The following ZDHHC13 variants were observed in gnomAD, a reference collection of about 807,000 sequenced individuals.
The protein encoded by ZDHHC13 is zDHHC palmitoyltransferase 13.
Under a neutral mutation model 86.0 loss-of-function variants are expected in ZDHHC13, and 85 were observed. The observed-to-expected ratio is 0.99, with a 90% confidence interval of 0.83 to 1.18. The LOEUF (loss-of-function observed/expected upper bound fraction) is 1.18. Among genes scored for constraint, ZDHHC13 ranks in the 50% most tolerant of loss-of-function variants. The pLI is 0.00. For missense variants in ZDHHC13, 711 were observed against 730.2 expected (o/e 0.97, Z 0.30); for synonymous variants, 263 against 246.4 (o/e 1.07, Z -0.63).
chr11:19,155,648 T>A, intron 8 of ZDHHC13, 148 bp from the exon 9 acceptor site: 4 of 567,756 alleles, frequency 7.0e-6, no homozygotes, highest in Non-Finnish European at 8.2e-6. Context: ...AATTTATCAA[T>A]CAGCAATTTT....
At position 19,122,609 on chromosome 11, in the gene ZDHHC13, G is replaced by A. The variant is rs147599882; in HGVS notation, c.27+5333G>A. Among the ~76,000 whole-genome samples, 285 of 152,238 alleles carry A rather than the reference G, an allele frequency of 1.9e-3. 1 individual carries two copies. The Middle Eastern group carries it at 0.02, about 11-fold the overall frequency. On this transcript the variant is annotated intron_variant, in intron 1 of 16. Transcript: ENST00000446113. ...GCTTTCTCTGCCCTTAGGTTACCTT[G>A]TAAACAGAGTATAAGGAGTGACCTG...
chr11:19,155,763 C>T, intron 8 of ZDHHC13, 33 bp from the exon 9 acceptor site: 3 of 1,600,654 alleles, frequency 1.9e-6, no homozygotes, highest in Non-Finnish European at 2.5e-6. Context: ...AGGTAAAATC[C>T]ATAAAGTTCT....
intron 5 of ZDHHC13, among the ~76,000 whole-genome samples, chr11:19,149,594 A>G (rs1849557601): frequency 6.6e-6 from 1 of 152,186 alleles, no homozygotes; most frequent in African/African-American, 2.4e-5. Flanking sequence ...GAACCCAGTA[A>G]TTTGCAGAGT....
At chr11:19,158,814 T>A in intron 9 of ZDHHC13, 126 bp from the exon 10 acceptor site, 1 of 594,576 alleles carries the variant, frequency 1.7e-6, no homozygotes, top group Admixed American at 3.5e-5. Flanking sequence ...TAGTAAGCAC[T>A]CAGTATGTGA....
At chr11:19,137,001 G>A (rs1265634673) in intron 1 of ZDHHC13, among the ~76,000 whole-genome samples, 2 of 151,904 alleles carry the variant, frequency 1.3e-5, no homozygotes, top group Non-Finnish European at 2.9e-5. Flanking sequence ...GGAAGAAACT[G>A]CATGAACTAA....
chr11:19,160,378 ATATTAT>A (rs57519151), intron 10 of ZDHHC13, among the ~76,000 whole-genome samples: 13 of 151,812 alleles, frequency 8.6e-5, no homozygotes, highest in African/African-American at 3.2e-4. Context: ...GGCTTGGATG[ATATTAT>A]TATTATGATA....
At chr11:19,149,100 TC>T in intron 4 of ZDHHC13, 86 bp from the exon 5 acceptor site, 2 of 1,206,598 alleles carry the variant, frequency 1.7e-6, no homozygotes. Flanking sequence ...GTAACCAAAA[TC>T]CCTCATGTCT....
chr11:19,150,586 TTCTTTTTA>T, intron 5 of ZDHHC13, 133 bp from the exon 6 acceptor site: 1 of 659,472 alleles, frequency 1.5e-6, no homozygotes, highest in African/African-American at 1.8e-5. Context: ...GAGCAAAACA[TTCTTTTTA>T]TCAAATGATA....
At chr11:19,121,694 A>C (rs1848761895) in intron 1 of ZDHHC13, among the ~76,000 whole-genome samples, 1 of 152,116 alleles carries the variant, frequency 6.6e-6, no homozygotes, top group Non-Finnish European at 1.5e-5. Context: ...TTCTTTATCC[A>C]TGTAGTGTGT....
At chr11:19,140,259 A>G (rs28891775) in intron 1 of ZDHHC13, among the ~76,000 whole-genome samples, 95,388 of 151,450 alleles carry the variant, frequency 0.63, 31,477 homozygotes, top group Admixed American at 0.75. Flanking sequence ...GGCAAAGGAC[A>G]TGAACAGACA....
intron 9 of ZDHHC13, among the ~76,000 whole-genome samples, chr11:19,158,653 A>G (rs111830360): frequency 1.2e-3 from 185 of 152,344 alleles, no homozygotes; most frequent in African/African-American, 4.2e-3. Flanking sequence ...CATTGAAAAC[A>G]TATATTAAAT....
chr11:19,139,451 G>T (rs1849243629), intron 1 of ZDHHC13, among the ~76,000 whole-genome samples: 1 of 135,816 alleles, frequency 7.4e-6, no homozygotes, highest in African/African-American at 2.6e-5. Context: ...CATGCTCATG[G>T]GTAGGAAGAA....
In ZDHHC13 at chr11:19,134,603, A is replaced by G. The variant is rs982675121; in HGVS notation, c.28-8375A>G. On this transcript the variant is annotated intron_variant, in intron 1 of 16. Transcript: ENST00000446113. ...ACCATCATTCTCAGCAAAGTAACAC[A>G]GGAACAGAAAACCAAACACTGCATG... Among the ~76,000 whole-genome samples, 7 of 152,244 alleles carry G rather than the reference A, an allele frequency of 4.6e-5. No individual in the cohort carries two copies. The East Asian group carries it at 1.2e-3, about 25-fold the overall frequency.
chr11:19,170,653 G>A, intron 15 of ZDHHC13, 85 bp downstream of exon 15: 4 of 1,311,724 alleles, frequency 3.0e-6, no homozygotes, highest in Non-Finnish European at 4.1e-6. Context: ...ATCAGAAGAT[G>A]CACATTCTGT....
At chr11:19,140,525 A>G (rs973968157) in intron 1 of ZDHHC13, among the ~76,000 whole-genome samples, 1 of 152,194 alleles carries the variant, frequency 6.6e-6, no homozygotes, top group Non-Finnish European at 1.5e-5. Flanking sequence ...TCAGGGATCT[A>G]GAACTAGAAA....
Position 19,152,999 on chromosome 11 carries a change from A to G in ZDHHC13, c.873+315A>G, listed in dbSNP as rs78906126. ...TTTTTAGAGACACAATGGGAAAAAC[A>G]CCTTGTTGCAAGGAGTTTTATAGAA... On this transcript the variant is annotated intron_variant, in intron 8 of 16. Coordinates refer to ENST00000446113, the MANE Select transcript of ZDHHC13 (RefSeq NM_019028.3). Among the ~76,000 whole-genome samples the G allele has an allele frequency of 6.9e-3, 1,044 of 152,256 alleles. 9 individuals carry two copies. The highest frequency in any genetic ancestry group is 0.024 in the African/African-American group (985 of 41,556).
chr11:19,132,101 C>T (rs895799191), intron 1 of ZDHHC13, among the ~76,000 whole-genome samples: 10 of 152,040 alleles, frequency 6.6e-5, no homozygotes, highest in African/African-American at 1.7e-4. Context: ...GGCTATGGAT[C>T]GCATTTTTCT....
chr11:19,143,193 T>C, intron 2 of ZDHHC13, 70 bp downstream of exon 2: 1 of 1,480,630 alleles, frequency 6.8e-7, no homozygotes, highest in African/African-American at 1.4e-5. Flanking sequence ...GTGTAGTTCA[T>C]GGAGCTTCAT....
At position 19,172,803 on chromosome 11, in the gene ZDHHC13, C is replaced by G. The variant is rs532494780; in HGVS notation, c.1713C>G (p.Leu571=). The G allele has an allele frequency of 9.9e-5, 159 of 1,603,068 alleles. 1 individual carries two copies. The Middle Eastern group carries it at 2.1e-3, about 22-fold the overall frequency. ...AGCATATGAAACAGACGTTGTCCCT[C>G]AGGAAGACACCATACAAGTAAGCGA... The part of the protein sequence containing the change: ...QSKHMKQTLS[L]RKTPYNLGFM... The change falls in exon 16 of 17, where the codon CTC becomes CTG. Residue 571 remains leucine (L), a synonymous_variant. Transcript: ENST00000446113.
Sources: gnomAD v4.1 joint callset for allele counts (sites outside exome capture counted in the v4.1 genomes callset) on GRCh38, gnomAD v4.1.1 for gene constraint, MANE v1.5 for transcripts, NCBI Gene and HGNC (gene_info 2026-07-23, HGNC 2026-07-21) for gene names.